Variants in GOLM1 observed in about 807,000 individuals in gnomAD.
GOLM1 encodes epididymis luminal protein 46.
GOLM1 carries 31 observed loss-of-function variants against 50.5 expected under a neutral mutation model. That is an observed-to-expected ratio of 0.61 (90% confidence interval 0.46 to 0.83). The LOEUF is 0.83. Among genes scored for constraint, GOLM1 ranks in the 40% least tolerant of loss-of-function variants. GOLM1 has a pLI of 0.00. For missense variants in GOLM1, 491 were observed against 501.3 expected (o/e 0.98, Z 0.20); for synonymous variants, 178 against 192.8 (o/e 0.92, Z 0.64).
intron 1 of GOLM1, among the ~76,000 whole-genome samples, 161 bp downstream of exon 1, chr9:86,099,250 C>T (rs1835453452): frequency 6.6e-6 from 1 of 152,014 alleles, no homozygotes; most frequent in Admixed American, 6.5e-5. Context: ...GGAGCCAGCC[C>T]CGAGCGCAGC....
At chr9:86,046,871 C>A (rs568209593) in intron 4 of GOLM1, among the ~76,000 whole-genome samples, 47 of 152,322 alleles carry the variant, frequency 3.1e-4, no homozygotes, top group Middle Eastern at 3.4e-3. Flanking sequence ...TTGGAAGCTT[C>A]TGTGTGCCTG....
intron 5 of GOLM1, 105 bp downstream of exon 5, chr9:86,046,365 G>T (rs532358487): frequency 1.5e-5 from 11 of 718,466 alleles, no homozygotes; most frequent in Non-Finnish European, 2.5e-5. Context: ...AGTCCCGCAC[G>T]GAGCAGAAGG....
At chr9:86,063,828 G>A (rs1389129327) in intron 3 of GOLM1, among the ~76,000 whole-genome samples, 2 of 152,208 alleles carry the variant, frequency 1.3e-5, no homozygotes, top group Non-Finnish European at 2.9e-5. Context: ...ATGAAGCCAA[G>A]GCCAAGAGCG....
rs140939663 is a variant in GOLM1 at position 86,086,852 on chromosome 9, G to A, written c.-21-7511C>T. Among the ~76,000 whole-genome samples the A allele has an allele frequency of 6.3e-3, 962 of 152,250 alleles. 9 individuals carry two copies. Among genetic ancestry groups the A allele is most frequent in the African/African-American group, 0.022 (921 of 41,544 alleles). ...CCAGTACCATGCTGTTTTGGTTACT[G>A]TAGCCTTGTGGTACAGTTTGAAGTC... On this transcript the variant is annotated intron_variant, in intron 1 of 9. Coordinates refer to ENST00000388712, the MANE Select transcript of GOLM1 (RefSeq NM_016548.4).
intron 3 of GOLM1, among the ~76,000 whole-genome samples, chr9:86,064,554 C>A (rs550447535): frequency 1.1e-4 from 17 of 152,326 alleles, no homozygotes; most frequent in Non-Finnish European, 2.5e-4. Context: ...CTGCTCCCCA[C>A]CCAGCCCTCT....
chr9:86,049,535 CTT>C (rs1833667110), intron 4 of GOLM1, among the ~76,000 whole-genome samples: 1 of 152,160 alleles, frequency 6.6e-6, no homozygotes, highest in South Asian at 2.1e-4. Context: ...TTTGTGTCCT[CTT>C]TTATTTCATT....
At chr9:86,036,216 C>G in intron 7 of GOLM1, 132 bp downstream of exon 7, 1 of 876,412 alleles carries the variant, frequency 1.1e-6, no homozygotes, top group Non-Finnish European at 1.9e-6. Flanking sequence ...TCCAGGGGCC[C>G]AGAGAGACAC....
rs1832833197 is a variant in GOLM1 at position 86,027,848 on chromosome 9, T to C, written c.1175A>G (p.Asp392Gly). 1.2e-6 allele frequency: 2 copies of C among 1,612,272 alleles called. No individual in the cohort carries two copies. Among genetic ancestry groups the C allele is most frequent in the Non-Finnish European group, 1.7e-6 (2 of 1,178,550 alleles). The change falls in exon 10 of 10, where the codon GAT (aspartate) becomes GGT (glycine). Residue 392 changes from aspartate to glycine, a missense_variant. Asp to Gly is a moderately conservative substitution (Grantham distance 94). Transcript: ENST00000388712. The stretch of plus-strand genomic sequence containing the variant: ...TGTATGATTCCGCTTTTCACGCTGA[T>C]CAAGTAAATTTATGGTGTCTCTTTT... ...DQKRDTINLLDQREKRNHTL is the reference protein window; with the variant it reads ...DQKRDTINLLGQREKRNHTL
intron 7 of GOLM1, 85 bp from the exon 8 acceptor site, chr9:86,035,710 C>T (rs1833111744): frequency 8.0e-7 from 1 of 1,243,878 alleles, no homozygotes; most frequent in East Asian, 2.3e-5. Context: ...CCTGGTGCCA[C>T]TCAATTCCCA....
chr9:86,084,409 T>C (rs957243145), intron 1 of GOLM1, among the ~76,000 whole-genome samples: 5 of 152,120 alleles, frequency 3.3e-5, no homozygotes, highest in African/African-American at 1.2e-4. Flanking sequence ...TATGGTGCAC[T>C]AGGAGGGCAC....
At chr9:86,063,406 G>A (rs941093776) in intron 3 of GOLM1, among the ~76,000 whole-genome samples, 2 of 152,166 alleles carry the variant, frequency 1.3e-5, no homozygotes, top group African/African-American at 4.8e-5. Context: ...CGGAAGAGGA[G>A]ACACTTTTGT....
chr9:86,036,791 G>A (rs1462172201), intron 6 of GOLM1: 7 of 399,366 alleles, frequency 1.8e-5, no homozygotes, highest in Non-Finnish European at 3.1e-5. Flanking sequence ...AAATACCTAG[G>A]CGGAAGATCA....
chr9:86,065,250 C>T (rs916655802), intron 3 of GOLM1, among the ~76,000 whole-genome samples: 2 of 152,150 alleles, frequency 1.3e-5, no homozygotes, highest in African/African-American at 4.8e-5. Context: ...CATCTTTGTC[C>T]AGCACTCAAT....
intron 3 of GOLM1, among the ~76,000 whole-genome samples, chr9:86,070,150 T>C (rs904091215): frequency 3.9e-5 from 6 of 152,098 alleles, no homozygotes; most frequent in African/African-American, 1.4e-4. Context: ...CCCAAAGTGC[T>C]GGGATTACAG....
intron 3 of GOLM1, among the ~76,000 whole-genome samples, chr9:86,066,578 C>A (rs1045719963): frequency 1.3e-5 from 2 of 152,200 alleles, no homozygotes; most frequent in African/African-American, 4.8e-5. Context: ...ATTACCTTTG[C>A]ACCTCTGCAA....
chr9:86,050,133 TTTATCTTTGGTTCTG>T (rs1564345766), intron 4 of GOLM1, among the ~76,000 whole-genome samples: 1 of 152,240 alleles, frequency 6.6e-6, no homozygotes. Flanking sequence ...CAATGTGGTT[TTTATCTTTGGTTCTG>T]TTAATATGAT....
At chr9:86,046,664 A>G (rs1194504677) in intron 4 of GOLM1, 92 bp from the exon 5 acceptor site, 1 of 764,302 alleles carries the variant, frequency 1.3e-6, no homozygotes, top group Non-Finnish European at 2.3e-6. Context: ...CACACATCAG[A>G]CCATAAAGGG....
intron 1 of GOLM1, among the ~76,000 whole-genome samples, chr9:86,090,836 C>T (rs1835161026): frequency 6.8e-6 from 1 of 146,090 alleles, no homozygotes; most frequent in Admixed American, 6.9e-5. Context: ...AGCTCAGTGT[C>T]TGCCCAAATG....
intron 3 of GOLM1, among the ~76,000 whole-genome samples, chr9:86,057,199 C>T (rs1834019976): frequency 6.6e-6 from 1 of 152,096 alleles, no homozygotes; most frequent in African/African-American, 2.4e-5. Flanking sequence ...ATGACCATTC[C>T]ATTCTGGGAA....
Sources: gnomAD v4.1 joint callset for allele counts (sites outside exome capture counted in the v4.1 genomes callset) on GRCh38, gnomAD v4.1.1 for gene constraint, MANE v1.5 for transcripts, NCBI Gene and HGNC (gene_info 2026-07-23, HGNC 2026-07-21) for gene names.